DNAH8: variants seen among roughly 807,000 people sequenced by gnomAD.
DNAH8 encodes the protein axonemal beta dynein heavy chain 8.
DNAH8 carries 382 observed loss-of-function variants against 562.1 expected under a neutral mutation model. The ratio of observed to expected loss-of-function variants is 0.68; its 90% CI spans 0.63 to 0.74. The LOEUF is 0.74. Ranked by LOEUF, DNAH8 falls within the 30% of genes least tolerant of loss-of-function variation. The pLI is 0.00. For synonymous variants in DNAH8, 1,881 were observed against 1,919.4 expected (o/e 0.98, Z 0.52); for missense variants, 5,203 against 5,620.4 (o/e 0.93, Z 2.37).
At chr6:38,824,565 G>C (rs956795328) in intron 28 of DNAH8, among the ~76,000 whole-genome samples, 6 of 152,112 alleles carry the variant, frequency 3.9e-5, no homozygotes, top group Non-Finnish European at 8.8e-5. Flanking sequence ...TTTATTCTCA[G>C]ACAATATTTG....
rs966508048 is a variant in DNAH8, at chr6:38,845,869, A to G, written c.5045+96A>G. On this transcript the variant is annotated intron_variant, in intron 36 of 92. Coordinates refer to ENST00000327475, the MANE Select transcript of DNAH8 (RefSeq NM_001206927.2). ...GTTTTAAAGCTCTTTCATTGGATGG[A>G]TTCTGCACTAAATTTGGTATTATCT... 7.0e-6 allele frequency: 7 copies of G among 995,924 alleles called. No individual in the cohort carries two copies. In the African/African-American group the frequency reaches 1.2e-4, roughly 16 times the overall value. The allele number at this position is 995,924 out of a possible 1,614,324, so 61.7% of individuals were successfully genotyped here. A position where few individuals can be genotyped will look rare whatever the true frequency, so the allele number is the denominator to read the frequency against.
intron 92 of DNAH8, among the ~76,000 whole-genome samples, chr6:39,027,038 C>A (rs758403112): frequency 4.6e-5 from 7 of 151,668 alleles, no homozygotes; most frequent in Non-Finnish European, 1.0e-4. Context: ...CTAGGCAACA[C>A]TGGGAGACCC....
chr6:38,842,772 A>G lies in DNAH8; in HGVS notation c.4714A>G (p.Lys1572Glu). The G allele has an allele frequency of 6.2e-7, 1 of 1,614,012 alleles. No homozygotes were observed. Among genetic ancestry groups the G allele is most frequent in the Non-Finnish European group, 8.5e-7 (1 of 1,179,928 alleles). The change falls in exon 35 of 93, where the codon AAG becomes GAG. Residue 1572 changes from lysine (K) to glutamate (E), a missense_variant. This residue lies in a region of DNAH8 where 2,176 missense variants were observed against 2,365.1 expected (regional missense o/e 0.92). Coordinates refer to ENST00000327475, the MANE Select transcript of DNAH8 (RefSeq NM_001206927.2). ...SCPLLEMMTN[K>E]AMKQRHWDRI... is the part of the protein sequence containing the mutation. The stretch of plus-strand genomic sequence containing the variant: ...TCCTCTACTGGAAATGATGACCAAT[A>G]AGGCCATGAAACAGAGACACTGGGA...
rs1781767032 is a variant in DNAH8, at chr6:38,922,225, TA to T, written c.10662+720del. On this transcript the variant is annotated intron_variant, in intron 71 of 92. Coordinates refer to ENST00000327475, the MANE Select transcript of DNAH8 (RefSeq NM_001206927.2). ...GGGATCCTAATATAACCTCTTGGGA[TA>T]GGTTGTAAGCAGTGGTGGTCTGGTA... 2.0e-5 allele frequency among the ~76,000 whole-genome samples: 3 copies of T among 151,586 alleles called. 1 individual carries two copies. Among genetic ancestry groups the T allele is most frequent in the African/African-American group, 7.3e-5 (3 of 41,306 alleles).
chr6:38,909,517 G>A lies in DNAH8; in HGVS notation c.9514-1G>A, dbSNP rs1263802078. 1 of 1,613,952 alleles carries A rather than the reference G, an allele frequency of 6.2e-7. No homozygotes were observed. The highest frequency in any genetic ancestry group is 8.5e-7 in the Non-Finnish European group (1 of 1,179,884). ...ATGTTTGTTGACTTTGCTATCAATA[G>A]GTTGGTGAGAAGTTCCGTGCCCGTT... On this transcript the variant is annotated splice_acceptor_variant, in intron 64 of 92. Coordinates refer to ENST00000327475, the MANE Select transcript of DNAH8 (RefSeq NM_001206927.2). LOFTEE classifies it high-confidence loss of function.
At chr6:39,005,618 T>G (rs1765748904) in intron 88 of DNAH8, among the ~76,000 whole-genome samples, 3 of 152,254 alleles carry the variant, frequency 2.0e-5, no homozygotes, top group Non-Finnish European at 2.9e-5. Flanking sequence ...TTTCATGTGC[T>G]TATTGACCCA....
chr6:38,939,334 G>C (rs1783246755), intron 79 of DNAH8, among the ~76,000 whole-genome samples: 1 of 152,130 alleles, frequency 6.6e-6, no homozygotes, highest in South Asian at 2.1e-4. Flanking sequence ...TGATTTTTCA[G>C]ACTGCAAGAA....
In DNAH8 at chr6:38,911,412, G is replaced by A. The variant is rs78696738; in HGVS notation, c.9741-56G>A. ...CTGATTTCACCTTGGGAAAGGTGTC[G>A]TTTTATGGGAGTACGCACAATGATT... is the stretch of plus-strand genomic sequence containing the variant. On this transcript the variant is annotated intron_variant, in intron 65 of 92. Transcript: ENST00000327475. 17,316 of 1,280,804 alleles carry A rather than the reference G, an allele frequency of 0.014. 881 individuals carry two copies. The East Asian group carries it at 0.15, about 11-fold the overall frequency. 79.3% of individuals were successfully genotyped at this position (1,280,804 alleles called of 1,614,324 possible).
Position 38,828,204 on chromosome 6 carries a change from C to A in DNAH8, c.4104C>A (p.Asn1368Lys). ...TGCAGGAAGCCTATGCTATTTTAAA[C>A]AGATTTGAAGTTGAAGTAACCAAAG... ...GPIEEAYAIL[N>K]RFEVEVTKEE... The change falls in exon 30 of 93, where the codon AAC becomes AAA. Residue 1368 changes from asparagine (N) to lysine (K), a missense_variant. By Grantham distance (94) the Asn-to-Lys change is moderately conservative. This residue lies in a region of DNAH8 where 2,176 missense variants were observed against 2,365.1 expected (regional missense o/e 0.92). Transcript: ENST00000327475. 1 of 1,592,128 alleles carries A rather than the reference C, an allele frequency of 6.3e-7. No individual in the cohort carries two copies. Among genetic ancestry groups the A allele is most frequent in the Non-Finnish European group, 8.5e-7 (1 of 1,170,988 alleles).
At chr6:38,722,091 C>T (rs1340595867) in intron 1 of DNAH8, among the ~76,000 whole-genome samples, 1 of 152,150 alleles carries the variant, frequency 6.6e-6, no homozygotes, top group Non-Finnish European at 1.5e-5. Flanking sequence ...ATAACTTCTA[C>T]ACTTCTTCAT....
intron 11 of DNAH8, among the ~76,000 whole-genome samples, chr6:38,767,012 A>C (rs1582947563): frequency 1.3e-5 from 2 of 152,338 alleles, no homozygotes; most frequent in East Asian, 3.9e-4. Flanking sequence ...TAAAAATAGC[A>C]TAAAATTTAC....
chr6:38,823,465 A>G, intron 27 of DNAH8, 97 bp from the exon 28 acceptor site: 2 of 905,990 alleles, frequency 2.2e-6, no homozygotes, highest in Middle Eastern at 2.7e-4. Context: ...TGCACACACA[A>G]GTGTAAATGT....
rs774984318 is a variant in DNAH8, at chr6:38,779,985, C to T, written c.2059C>T (p.Pro687Ser). 13 of 1,613,946 alleles carry T rather than the reference C, an allele frequency of 8.1e-6. No individual in the cohort carries two copies. The Admixed American group carries it at 2.2e-4, about 27-fold the overall frequency. ...LLQRFQKLNIPCLGLEINHTI... is the reference protein window; with the variant it reads ...LLQRFQKLNISCLGLEINHTI... Reference sequence around the variant, plus strand: ...TTTTAGGTTTCAGAAGCTGAACATTCCCTGTCTGGGATTAGAAATAAACCA... The same window carrying T: ...TTTTAGGTTTCAGAAGCTGAACATTTCCTGTCTGGGATTAGAAATAAACCA... Residue 687 changes from proline (P) to serine (S), a missense_variant, in exon 15 of 93, where the codon CCC becomes TCC. By Grantham distance (74) the Pro-to-Ser change is moderately conservative (BLOSUM62 -1). Coordinates refer to ENST00000327475, the MANE Select transcript of DNAH8 (RefSeq NM_001206927.2).
At chr6:38,892,394 T>C (rs1779397900) in intron 58 of DNAH8, among the ~76,000 whole-genome samples, 1 of 152,234 alleles carries the variant, frequency 6.6e-6, no homozygotes, top group Non-Finnish European at 1.5e-5. Flanking sequence ...TAAATGTCTT[T>C]AAATACAATC....
rs1304077313 is a variant in DNAH8, at chr6:38,909,760, T to C, written c.9740+16T>C. The C allele has an allele frequency of 1.9e-6, 3 of 1,597,078 alleles. No homozygotes were observed. Among genetic ancestry groups the C allele is most frequent in the African/African-American group, 2.7e-5 (2 of 74,522 alleles). On this transcript the variant is annotated intron_variant, in intron 65 of 92. Transcript: ENST00000327475. ...ATTTCCAAAGGTAAGTGATATTACATAAGCACCATCGCTATGGAACCACAG... is the reference window on the plus strand; with the variant it reads ...ATTTCCAAAGGTAAGTGATATTACACAAGCACCATCGCTATGGAACCACAG...
chr6:38,887,093 C>T (rs1583278458), intron 57 of DNAH8, 89 bp downstream of exon 57: 6 of 939,266 alleles, frequency 6.4e-6, no homozygotes, highest in Non-Finnish European at 9.8e-6. Flanking sequence ...AAGGCTCTGT[C>T]TAAAGTGGGG....
chr6:38,946,453 G>A (rs1331322887), intron 80 of DNAH8, among the ~76,000 whole-genome samples: 2 of 152,240 alleles, frequency 1.3e-5, no homozygotes, highest in Admixed American at 1.3e-4. Context: ...GATAGACAGT[G>A]AGCTTTGTTT....
intron 41 of DNAH8, among the ~76,000 whole-genome samples, chr6:38,853,975 AT>A (rs1563001273): frequency 1.3e-5 from 2 of 151,636 alleles, no homozygotes; most frequent in South Asian, 4.2e-4. Flanking sequence ...AGTAAAAAAA[AT>A]TTTTAAGTTG....
At chr6:38,842,264 C>T in intron 33 of DNAH8, 104 bp from the exon 34 acceptor site, 1 of 875,946 alleles carries the variant, frequency 1.1e-6, no homozygotes, top group East Asian at 2.5e-5. Flanking sequence ...AGACATTGTA[C>T]ACGCAATGTA....
Sources: gnomAD v4.1 joint callset for allele counts (sites outside exome capture counted in the v4.1 genomes callset) on GRCh38, gnomAD v4.1.1 for gene constraint, gnomAD v4.1.1 regional missense constraint, MANE v1.5 for transcripts, NCBI Gene and HGNC (gene_info 2026-07-23, HGNC 2026-07-21) for gene names.